The following TRPM6 variants were observed in gnomAD, a reference collection of about 807,000 sequenced individuals.
The protein encoded by TRPM6 is channel kinase 2.
TRPM6 carries 111 observed loss-of-function variants against 247.6 expected under a neutral mutation model. The observed-to-expected ratio is 0.45, with a 90% CI of 0.38 to 0.52. TRPM6 has a LOEUF of 0.52. Among genes scored for constraint, TRPM6 ranks in the 20% least tolerant of loss-of-function variants. TRPM6 has a pLI of 0.00. For missense variants in TRPM6, 2,126 were observed against 2,421.5 expected (o/e 0.88, Z 2.56); for synonymous variants, 892 against 853.8 (o/e 1.04, Z -0.78).
At chr9:74,818,293 CTTTTTTTTTTTT>C (rs1161401022) in intron 9 of TRPM6, among the ~76,000 whole-genome samples, 4 of 72,006 alleles carry the variant, frequency 5.6e-5, no homozygotes, top group Admixed American at 1.5e-4. Flanking sequence ...TCTATCATTT[CTTTTTTTTTTTT>C]TTTTTTTTTT....
At chr9:74,786,256 G>A (rs190028963) in intron 20 of TRPM6, 131 bp from the exon 21 acceptor site, 62 of 910,186 alleles carry the variant, frequency 6.8e-5, no homozygotes, top group African/African-American at 3.2e-4. Flanking sequence ...AATCACTTGC[G>A]GATTTCAGAG....
At chr9:74,796,952 A>T (rs1828120705) in intron 17 of TRPM6, 59 bp from the exon 18 acceptor site, 2 of 1,429,642 alleles carry the variant, frequency 1.4e-6, no homozygotes, top group African/African-American at 2.8e-5. Context: ...CATACTAGAC[A>T]AATAACAAAA....
At chr9:74,728,170 T>A in intron 38 of TRPM6, 69 bp downstream of exon 38, 3 of 1,170,578 alleles carry the variant, frequency 2.6e-6, no homozygotes, top group Non-Finnish European at 2.6e-6. Flanking sequence ...TTCTACTTTA[T>A]CCCAGGTTAC....
At position 74,739,371 on chromosome 9, in the gene TRPM6, G is replaced by C. The variant is rs1563990788; in HGVS notation, c.5566C>G (p.Pro1856Ala). Residue 1856 changes from proline to alanine, a missense_variant, in exon 35 of 39, where the codon CCA becomes GCA. Transcript: ENST00000360774. ...AAGGTGCCAAGATTTTCTTACCTTG[G>C]TGTGTAGGGTATGGTTTGTGGTTTC... ...QVKPQTIPYT[P>A]RFLEVFLIYC... The C allele has an allele frequency of 6.2e-7, 1 of 1,614,002 alleles. No individual in the cohort carries two copies. The highest frequency in any genetic ancestry group is 1.7e-5 in the Admixed American group (1 of 60,020).
intron 23 of TRPM6, among the ~76,000 whole-genome samples, chr9:74,778,579 A>C (rs1827307342): frequency 6.6e-6 from 1 of 152,166 alleles, no homozygotes; most frequent in Non-Finnish European, 1.5e-5. Context: ...TGGAAGGGAA[A>C]GGTGGCTTCA....
Position 74,788,562 on chromosome 9 carries a change from C to T in TRPM6, c.2667+52G>A, listed in dbSNP as rs1272065853. ...AGCCAAGGAGTCTTTCAGTGGACAC[C>T]TACAGAAGCTGAGGACATATGCAGA... On this transcript the variant is annotated intron_variant, in intron 20 of 38. Transcript: ENST00000360774. The T allele has an allele frequency of 2.5e-6, 4 of 1,610,150 alleles. No homozygotes were observed. In the Admixed American group the frequency reaches 5.0e-5, roughly 20 times the overall value.
At chr9:74,755,137 A>C (rs2118809968) in intron 28 of TRPM6, among the ~76,000 whole-genome samples, 1 of 152,244 alleles carries the variant, frequency 6.6e-6, no homozygotes, top group Admixed American at 6.5e-5. Context: ...CTAAATCTTA[A>C]TTTTTCTTTT....
chr9:74,728,204 T>C (rs1182203251), intron 38 of TRPM6, 35 bp downstream of exon 38: 1 of 1,437,622 alleles, frequency 7.0e-7, no homozygotes. Flanking sequence ...CTATGAGAGA[T>C]TTACTTAGAG....
At chr9:74,834,511 C>T (rs1427593364) in intron 5 of TRPM6, among the ~76,000 whole-genome samples, 3 of 151,868 alleles carry the variant, frequency 2.0e-5, no homozygotes, top group Admixed American at 6.6e-5. Context: ...ATGCGCACAA[C>T]GAGTGGGTTT....
intron 33 of TRPM6, 88 bp downstream of exon 33, chr9:74,742,473 A>G (rs912735533): frequency 3.4e-5 from 45 of 1,310,852 alleles, no homozygotes; most frequent in Non-Finnish European, 4.9e-5. Context: ...ATTTTCAACT[A>G]AAATAATGCA....
chr9:74,873,577 G>A (rs953968258), intron 1 of TRPM6, among the ~76,000 whole-genome samples: 6 of 152,160 alleles, frequency 3.9e-5, no homozygotes, highest in African/African-American at 1.4e-4. Flanking sequence ...TTTCTCTGAG[G>A]ATATTACAGA....
chr9:74,786,178 AT>A, intron 20 of TRPM6, 53 bp from the exon 21 acceptor site: 1 of 1,590,220 alleles, frequency 6.3e-7, no homozygotes, highest in Non-Finnish European at 8.6e-7. Context: ...AAAGAATCCC[AT>A]CAATATGATC....
At position 74,771,783 on chromosome 9, in the gene TRPM6, C is replaced by T; in HGVS notation, c.3456G>A (p.Gln1152=). 6.2e-7 allele frequency: 1 copy of T among 1,613,704 alleles called. No homozygotes were observed. Among genetic ancestry groups the T allele is most frequent in the East Asian group, 2.2e-5 (1 of 44,862 alleles). ...TCTCATGGAAGTATTTTTCCACGCACTGCTCCTCAAAATCATGAAGTTTTT... is the reference window on the plus strand; with the variant it reads ...TCTCATGGAAGTATTTTTCCACGCATTGCTCCTCAAAATCATGAAGTTTTT... ...DLKKLHDFEE[Q]CVEKYFHEKM... The change falls in exon 25 of 39, where the codon CAG becomes CAA. Residue 1152 remains glutamine (Q), a synonymous_variant. Coordinates refer to ENST00000360774, the MANE Select transcript of TRPM6 (RefSeq NM_017662.5).
intron 1 of TRPM6, among the ~76,000 whole-genome samples, chr9:74,873,419 G>A (rs565646857): frequency 1.3e-5 from 2 of 152,264 alleles, no homozygotes; most frequent in East Asian, 3.9e-4. Flanking sequence ...TGTATTTCAT[G>A]GAAGAAAAAC....
At chr9:74,797,209 G>A (rs1564018980) in intron 17 of TRPM6, among the ~76,000 whole-genome samples, 1 of 152,170 alleles carries the variant, frequency 6.6e-6, no homozygotes, top group Non-Finnish European at 1.5e-5. Flanking sequence ...GTGGAATACT[G>A]TGCAACCATT....
chr9:74,745,967 G>T (rs1826030802), intron 31 of TRPM6, among the ~76,000 whole-genome samples: 1 of 152,186 alleles, frequency 6.6e-6, no homozygotes, highest in Non-Finnish European at 1.5e-5. Context: ...TTATGGCCAG[G>T]CGCGGGGGCC....
At chr9:74,816,465 G>GAAA (rs34100441) in intron 11 of TRPM6, among the ~76,000 whole-genome samples, 35 of 93,636 alleles carry the variant, frequency 3.7e-4, no homozygotes, top group African/African-American at 1.3e-3. Flanking sequence ...GCAGAGCCAG[G>GAAA]AAAAAAAAAA....
At chr9:74,882,917 G>A (rs1296107935) in intron 1 of TRPM6, among the ~76,000 whole-genome samples, 1 of 152,146 alleles carries the variant, frequency 6.6e-6, no homozygotes, top group Non-Finnish European at 1.5e-5. Context: ...TTTTAAGTGT[G>A]TAGCTCAGTT....
intron 1 of TRPM6, among the ~76,000 whole-genome samples, chr9:74,872,599 T>TG (rs1315006157): frequency 6.2e-4 from 51 of 82,370 alleles, no homozygotes; most frequent in African/African-American, 1.7e-4. Context: ...CCCAGCAAAT[T>TG]TTGTGTGTGT....
Sources: allele counts gnomAD v4.1 joint callset (sites outside exome capture counted in the v4.1 genomes callset), GRCh38; gene constraint gnomAD v4.1.1; transcripts MANE v1.5; gene names NCBI Gene and HGNC (gene_info 2026-07-23, HGNC 2026-07-21).